The following CRIM1 variants were observed in gnomAD, a reference collection of about 807,000 sequenced individuals.
CRIM1 encodes the protein cysteine rich transmembrane BMP regulator 1, also known as cysteine-rich motor neuron 1 protein.
In CRIM1, 32 loss-of-function variants were observed where a neutral mutation model predicts 116.4. The observed-to-expected ratio is 0.27, with a 90% CI of 0.21 to 0.37. The LOEUF is 0.37. Among genes scored for constraint, CRIM1 ranks in the 10% least tolerant of loss-of-function variants. CRIM1 has a pLI of 1.00. For synonymous variants in CRIM1, 590 were observed against 509.2 expected, an observed-to-expected ratio of 1.16 and a Z score of -2.13; for missense variants, 1,331 against 1,354.8, an observed-to-expected ratio of 0.98 and a Z score of 0.28.
At chr2:36,507,820 ACTC>A (rs985437356) in intron 8 of CRIM1, among the ~76,000 whole-genome samples, 11 of 151,622 alleles carry the variant, frequency 7.3e-5, no homozygotes, top group Non-Finnish European at 1.3e-4. Context: ...CTGTGGAAAA[ACTC>A]CTTCTTTATT....
chr2:36,454,923 A>C (rs1319919631), intron 4 of CRIM1, among the ~76,000 whole-genome samples: 1 of 152,168 alleles, frequency 6.6e-6, no homozygotes, highest in African/African-American at 2.4e-5. Flanking sequence ...AGGAGGATAA[A>C]GAGGCAGGAA....
At chr2:36,547,261 C>T in intron 16 of CRIM1, 90 bp downstream of exon 16, 1 of 1,088,882 alleles carries the variant, frequency 9.2e-7, no homozygotes, top group East Asian at 2.4e-5. Flanking sequence ...GTGTCTTAAC[C>T]AGTGAAGTTT....
chr2:36,526,887 A>G (rs1470365837), intron 13 of CRIM1, among the ~76,000 whole-genome samples: 3 of 152,236 alleles, frequency 2.0e-5, no homozygotes, highest in Non-Finnish European at 4.4e-5. Context: ...CAAGATGCTC[A>G]GGTATGTCCC....
intron 1 of CRIM1, among the ~76,000 whole-genome samples, chr2:36,380,216 G>A (rs775440521): frequency 6.6e-6 from 1 of 152,210 alleles, no homozygotes; most frequent in Admixed American, 6.5e-5. Flanking sequence ...CACAAGACCA[G>A]GCTGAAGTCT....
intron 1 of CRIM1, among the ~76,000 whole-genome samples, chr2:36,364,824 A>T (rs929149845): frequency 2.0e-5 from 3 of 152,170 alleles, no homozygotes; most frequent in Admixed American, 1.3e-4. Flanking sequence ...ATAGATGTAT[A>T]TATAAGATTG....
intron 8 of CRIM1, among the ~76,000 whole-genome samples, chr2:36,502,700 T>C (rs1681084881): frequency 6.6e-6 from 1 of 152,178 alleles, no homozygotes; most frequent in African/African-American, 2.4e-5. Context: ...CGTACAAATG[T>C]AAATTATTTT....
intron 7 of CRIM1, among the ~76,000 whole-genome samples, chr2:36,496,650 A>G (rs1181521890): frequency 6.6e-6 from 1 of 152,208 alleles, no homozygotes; most frequent in Non-Finnish European, 1.5e-5. Flanking sequence ...AGTGAACAAA[A>G]CCTGTTATGC....
rs200802516 is a variant in CRIM1 at position 36,371,327 on chromosome 2, T to TA, written c.331+14705dup. On this transcript the variant is annotated intron_variant, in intron 1 of 16. Coordinates refer to ENST00000280527, the MANE Select transcript of CRIM1 (RefSeq NM_016441.3). ...TGTTATAGCACTTTTCATACTGTGTTAGAGTTCACATTTCTGTCTCTCTGC... is the reference window on the plus strand; with the variant it reads ...TGTTATAGCACTTTTCATACTGTGTTAAGAGTTCACATTTCTGTCTCTCTGC... Among the ~76,000 whole-genome samples the TA allele has an allele frequency of 8.8e-3, 1,337 of 152,282 alleles. 8 individuals carry two copies. The highest frequency in any genetic ancestry group is 0.014 in the Non-Finnish European group (959 of 68,024).
Position 36,363,536 on chromosome 2 carries a change from C to CCCG in CRIM1, c.331+6915_331+6916insGCC, listed in dbSNP as rs1553364352. The stretch of plus-strand genomic sequence containing the variant: ...AATTCAGCAGTCGTCGCCGCCCCCC[C>CCCG]CCCCCATGACTATCTTTTTATACCT... On this transcript the variant is annotated intron_variant, in intron 1 of 16. Coordinates refer to ENST00000280527, the MANE Select transcript of CRIM1 (RefSeq NM_016441.3). 9.9e-5 allele frequency among the ~76,000 whole-genome samples: 14 copies of CCCG among 141,918 alleles called. 1 individual carries two copies. Among genetic ancestry groups the CCCG allele is most frequent in the African/African-American group, 3.5e-4 (14 of 39,870 alleles). The allele number at this position is 141,918 out of a possible 152,430, so 93.1% of individuals were successfully genotyped here. A position where few individuals can be genotyped will look rare whatever the true frequency, so the allele number is the denominator to read the frequency against.
intron 2 of CRIM1, among the ~76,000 whole-genome samples, chr2:36,439,975 C>T (rs1166673036): frequency 6.6e-6 from 1 of 152,080 alleles, no homozygotes; most frequent in African/African-American, 2.4e-5. Context: ...TTTACTAGAA[C>T]TATAAGTATG....
intron 4 of CRIM1, among the ~76,000 whole-genome samples, chr2:36,447,128 A>G (rs1676305246): frequency 6.6e-6 from 1 of 152,194 alleles, no homozygotes; most frequent in African/African-American, 2.4e-5. Flanking sequence ...TCTATGAGGA[A>G]TTTATAGGTA....
chr2:36,473,711 C>G (rs1451069408), intron 5 of CRIM1, among the ~76,000 whole-genome samples: 1 of 152,026 alleles, frequency 6.6e-6, no homozygotes, highest in East Asian at 1.9e-4. Flanking sequence ...AACTTCATTT[C>G]TTTTTATGGC....
At chr2:36,383,596 C>T (rs1670948785) in intron 1 of CRIM1, among the ~76,000 whole-genome samples, 1 of 152,108 alleles carries the variant, frequency 6.6e-6, no homozygotes, top group Non-Finnish European at 1.5e-5. Flanking sequence ...GCTGTGTGTT[C>T]AGCACAGAGT....
At chr2:36,532,498 T>G (rs1230461256) in intron 13 of CRIM1, among the ~76,000 whole-genome samples, 1 of 152,230 alleles carries the variant, frequency 6.6e-6, no homozygotes, top group African/African-American at 2.4e-5. Context: ...TTGATAGCAC[T>G]GTGTGAGGTA....
chr2:36,399,576 A>C (rs746227798), intron 2 of CRIM1, among the ~76,000 whole-genome samples: 6 of 152,218 alleles, frequency 3.9e-5, no homozygotes, highest in Non-Finnish European at 8.8e-5. Flanking sequence ...ACTTTTGAGG[A>C]GTCTCGTGAT....
At chr2:36,397,654 C>CA (rs1369243095) in intron 2 of CRIM1, among the ~76,000 whole-genome samples, 1 of 152,008 alleles carries the variant, frequency 6.6e-6, no homozygotes, top group East Asian at 1.9e-4. Flanking sequence ...TCTTAAAGTC[C>CA]AAAAATCAAG....
At chr2:36,422,272 T>C (rs1193002983) in intron 2 of CRIM1, among the ~76,000 whole-genome samples, 5 of 152,136 alleles carry the variant, frequency 3.3e-5, no homozygotes, top group Non-Finnish European at 5.9e-5. Context: ...AAAAAATCTT[T>C]AGGATACTTT....
intron 7 of CRIM1, among the ~76,000 whole-genome samples, chr2:36,490,873 C>T (rs1680180143): frequency 6.6e-6 from 1 of 152,192 alleles, no homozygotes. Context: ...AACTGAGCTG[C>T]TCAGCCTCCA....
rs535555125 is a variant in CRIM1, at chr2:36,365,409, T to C, written c.331+8786T>C. Among the ~76,000 whole-genome samples, 36 of 152,322 alleles carry C rather than the reference T, an allele frequency of 2.4e-4. 1 individual carries two copies. In the South Asian group the frequency reaches 7.5e-3, roughly 32 times the overall value. ...CCCCAAGGATATAGCCAGGCCAGGT[T>C]GATATATCTCACTGAGGTTACAGAA... On this transcript the variant is annotated intron_variant, in intron 1 of 16. Transcript: ENST00000280527.
Sources: gnomAD v4.1 joint callset for allele counts (sites outside exome capture counted in the v4.1 genomes callset) on GRCh38, gnomAD v4.1.1 for gene constraint, MANE v1.5 for transcripts, NCBI Gene and HGNC (gene_info 2026-07-23, HGNC 2026-07-21) for gene names.